NPAS4: variants seen among roughly 807,000 people sequenced by gnomAD.
The protein encoded by NPAS4 is neuronal PAS domain-containing protein 4.
In NPAS4, 10 loss-of-function variants were observed where a neutral mutation model predicts 64.0. The observed-to-expected ratio is 0.16, with a 90% CI of 0.10 to 0.26. NPAS4 has a LOEUF of 0.26. Among genes scored for constraint, NPAS4 ranks in the 10% least tolerant of loss-of-function variants. NPAS4 has a pLI of 1.00. For missense variants in NPAS4, 886 were observed against 992.6 expected, an observed-to-expected ratio of 0.89 and a Z score of 1.44; for synonymous variants, 441 against 411.7, an observed-to-expected ratio of 1.07 and a Z score of -0.86.
upstream of NPAS4, among the ~76,000 whole-genome samples, chr11:66,416,576 G>A (rs1435256648): frequency 2.6e-5 from 4 of 152,178 alleles, no homozygotes; most frequent in African/African-American, 9.7e-5. Flanking sequence ...AGTAGTTGCA[G>A]CTGTGGTCTC....
chr11:66,411,990 G>A, the NPAS4 span, among the ~76,000 whole-genome samples: 1 of 152,238 alleles, frequency 6.6e-6, no homozygotes, highest in African/African-American at 2.4e-5. Context: ...TACACAAGGT[G>A]TGGGTAGGTG....
Position 66,426,593 on chromosome 11 carries a change from G to C in NPAS4, c.*604G>C, listed in dbSNP as rs1446611148. On this transcript the variant is annotated 3_prime_UTR_variant, in exon 8 of 8. Transcript: ENST00000311034. ...TGTGCTTGCACGAGTGCGTGTACCT[G>C]GTGCGGGACTCACCCGGCCGCCAGA... 1.3e-5 allele frequency: 2 copies of C among 153,284 alleles called. No homozygotes were observed. The highest frequency in any genetic ancestry group is 4.8e-5 in the African/African-American group (2 of 41,474). The allele number at this position is 153,284 out of a possible 1,614,324, so 9.5% of individuals were successfully genotyped here.
In NPAS4 at chr11:66,422,286, T is replaced by C; in HGVS notation, c.327+15T>C. On this transcript the variant is annotated intron_variant, in intron 2 of 7. Coordinates refer to ENST00000311034, the MANE Select transcript of NPAS4 (RefSeq NM_178864.4). ...GCCACTCCATGGTGAGTGCTAAGGG[T>C]CCTTTCAGCTGAGGCTGGGCATGGA... 1.2e-6 allele frequency: 2 copies of C among 1,613,382 alleles called. No homozygotes were observed. The highest frequency in any genetic ancestry group is 1.7e-6 in the Non-Finnish European group (2 of 1,179,568).
rs1856766256 is a variant in NPAS4, at chr11:66,422,742, G to A, written c.499G>A (p.Val167Met). ...LRRQSAGNKLVLIRGRFHAHP... is the reference protein window; with the variant it reads ...LRRQSAGNKLMLIRGRFHAHP... ...GCGCCAGAGTGCAGGCAACAAACTC[G>A]TGCTTATTCGAGGCCGATTCCATGC... Residue 167 changes from valine (V) to methionine (M), a missense_variant, in exon 4 of 8, where the codon GTG (valine) becomes ATG (methionine). Around this residue, in one of 3 missense-constraint regions of NPAS4, gnomAD observed 820 missense variants for 855.5 expected, o/e 0.96. Coordinates refer to ENST00000311034, the MANE Select transcript of NPAS4 (RefSeq NM_178864.4). 3.1e-6 allele frequency: 5 copies of A among 1,614,118 alleles called. No individual in the cohort carries two copies. Among genetic ancestry groups the A allele is most frequent in the East Asian group, 2.2e-5 (1 of 44,864 alleles).
At chr11:66,414,830 A>G in the NPAS4 span, among the ~76,000 whole-genome samples, 2 of 152,188 alleles carry the variant, frequency 1.3e-5, no homozygotes, top group East Asian at 1.9e-4. Flanking sequence ...CCCTGGTTTC[A>G]AATCCACCAA....
Position 66,425,068 on chromosome 11 carries a change from G to C in NPAS4, c.2178G>C (p.Trp726Cys). 2 of 1,606,120 alleles carry C rather than the reference G, an allele frequency of 1.2e-6. No homozygotes were observed. Among genetic ancestry groups the C allele is most frequent in the Non-Finnish European group, 1.7e-6 (2 of 1,176,708 alleles). The change falls in exon 7 of 8, where the codon TGG becomes TGC. Residue 726 changes from tryptophan to cysteine, a missense_variant. Physicochemically the swap from Trp to Cys is radical, Grantham distance 215. This residue lies in a region of NPAS4 where 820 missense variants were observed against 855.5 expected (regional missense o/e 0.96). Transcript: ENST00000311034. The part of the protein sequence containing the change: ...DLSTPDPSEE[W>C]GSGDPEAEGP... ...CTACCCCAGATCCCAGTGAGGAATG[G>C]GGCTCAGGGGATCCTGAGGCAGAGG...
In NPAS4 at chr11:66,424,822, G is replaced by A; in HGVS notation, c.1932G>A (p.Gln644=). The change falls in exon 7 of 8, where the codon CAG becomes CAA. Residue 644 remains glutamine (Q), a synonymous_variant. Transcript: ENST00000311034. ...TCCAGCAGATTAGCCAATTGGCTCA[G>A]GGCATGGACAGACCCTTCTCAGCTG... ...RLIQQISQLA[Q]GMDRPFSAEA... 1 of 1,613,886 alleles carries A rather than the reference G, an allele frequency of 6.2e-7. No individual in the cohort carries two copies. The highest frequency in any genetic ancestry group is 8.5e-7 in the Non-Finnish European group (1 of 1,179,962).
chr11:66,425,974 G>C lies in NPAS4; in HGVS notation c.2394G>C (p.Gly798=). Residue 798 remains glycine (G), a synonymous_variant, in exon 8 of 8, where the codon GGG becomes GGC. Transcript: ENST00000311034. ...ATCTCTCTGCAGATGGAAGTGGAGG[G>C]GAACCAACGTTTTGAATAAGTCTGT... The part of the protein sequence containing the change: ...QDSFHEDGSG[G]EPTF 1 of 1,612,132 alleles carries C rather than the reference G, an allele frequency of 6.2e-7. No homozygotes were observed. The highest frequency in any genetic ancestry group is 8.5e-7 in the Non-Finnish European group (1 of 1,178,180).
rs758263079 is a variant in NPAS4 at position 66,423,192 on chromosome 11, C to T, written c.768C>T (p.Pro256=). 1.6e-5 allele frequency: 26 copies of T among 1,610,758 alleles called. No individual in the cohort carries two copies. The highest frequency in any genetic ancestry group is 6.6e-5 in the South Asian group (6 of 90,348). Residue 256 remains proline, a synonymous_variant, in exon 5 of 8, where the codon CCC becomes CCT. Transcript: ENST00000311034. ...LCKSWYGLLH[P]EDLAHASAQH... is the part of the protein sequence containing the mutation. ...AATCATGGTATGGACTGCTGCACCC[C>T]GAGGACCTGGCCCACGCTTCTGCTC...
chr11:66,412,201 C>T, the NPAS4 span, among the ~76,000 whole-genome samples: 32 of 152,320 alleles, frequency 2.1e-4, no homozygotes, highest in Non-Finnish European at 3.8e-4. Flanking sequence ...GGTTGGCTTC[C>T]GGAAGAATGG....
the NPAS4 span, among the ~76,000 whole-genome samples, chr11:66,414,478 G>A: frequency 1.3e-5 from 2 of 151,844 alleles, no homozygotes; most frequent in Admixed American, 1.3e-4. Context: ...CCCCCTCCAT[G>A]GTTCTATGTC....
chr11:66,426,011 G>C lies in NPAS4; in HGVS notation c.*22G>C, dbSNP rs767509687. ...TTGAATAAGTCTGTGACTTAACGTC[G>C]TCAAGTATGGCATATTGTCATCAAG... On this transcript the variant is annotated 3_prime_UTR_variant, in exon 8 of 8. Transcript: ENST00000311034. 2.5e-6 allele frequency: 4 copies of C among 1,595,900 alleles called. No homozygotes were observed. In the South Asian group the frequency reaches 3.3e-5, roughly 13 times the overall value.
chr11:66,415,243 G>A, the NPAS4 span, among the ~76,000 whole-genome samples: 13 of 152,272 alleles, frequency 8.5e-5, no homozygotes, highest in East Asian at 2.3e-3. Flanking sequence ...AAAGGGGCTG[G>A]AAACCAATAA....
rs199767583 is a variant in NPAS4 at position 66,423,589 on chromosome 11, G to A, written c.820G>A (p.Gly274Arg). The A allele has an allele frequency of 5.0e-6, 8 of 1,613,998 alleles. No homozygotes were observed. The highest frequency in any genetic ancestry group is 1.3e-5 in the African/African-American group (1 of 74,902). The change falls in exon 6 of 8, where the codon GGA (glycine) becomes AGA (arginine). Residue 274 changes from glycine (G) to arginine (R), a missense_variant. Transcript: ENST00000311034. ...TTCTTTCTCCCCAGTGGCTGAGAGT[G>A]GAGATATTCAGGCAGAGATGGTGGT... The part of the protein sequence containing the change: ...AQHYRLLAES[G>R]DIQAEMVVRL...
At chr11:66,417,364 C>A (rs1193790951), upstream of NPAS4, among the ~76,000 whole-genome samples, 1 of 152,054 alleles carries the variant, frequency 6.6e-6, no homozygotes, top group Non-Finnish European at 1.5e-5. Flanking sequence ...TAAAGAAAGC[C>A]CTTCTCTTCT....
At chr11:66,420,081 G>T (rs745736204), upstream of NPAS4, among the ~76,000 whole-genome samples, 5 of 152,230 alleles carry the variant, frequency 3.3e-5, no homozygotes, top group South Asian at 8.3e-4. Flanking sequence ...CCCCGCCCCC[G>T]GCCCGCGGGG....
chr11:66,418,580 T>A (rs960079007), upstream of NPAS4, among the ~76,000 whole-genome samples: 2 of 152,074 alleles, frequency 1.3e-5, no homozygotes, highest in Non-Finnish European at 1.5e-5. Flanking sequence ...GATGAGCCCT[T>A]CTCTACCCCC....
chr11:66,421,226 T>C lies in NPAS4; in HGVS notation c.47T>C (p.Ile16Thr). The C allele has an allele frequency of 6.2e-7, 1 of 1,613,580 alleles. No homozygotes were observed. Residue 16 changes from isoleucine to threonine, a missense_variant, in exon 1 of 8, where the codon ATC becomes ACC. Physicochemically the swap from Ile to Thr is moderately conservative, Grantham distance 89. This residue lies in a region of NPAS4 where 38 missense variants were observed against 80.1 expected (regional missense o/e 0.47). Transcript: ENST00000311034. ...KGASKARRDQ[I>T]NAEIRNLKEL... The stretch of plus-strand genomic sequence containing the variant: ...GCCTCCAAGGCGCGCCGGGACCAGA[T>C]CAACGCCGAGATCCGGAACCTCAAG...
At chr11:66,410,435 G>T in the NPAS4 span, 2 of 152,272 alleles carry the variant, frequency 1.3e-5, no homozygotes, top group Non-Finnish European at 2.9e-5. Context: ...TTAACAGAGC[G>T]TCTGCTCCCA....
Sources: gnomAD v4.1 joint callset for allele counts (sites outside exome capture counted in the v4.1 genomes callset) on GRCh38, gnomAD v4.1.1 for gene constraint, gnomAD v4.1.1 regional missense constraint, MANE v1.5 for transcripts, NCBI Gene and HGNC (gene_info 2026-07-23, HGNC 2026-07-21) for gene names.